The following RARB variants were observed in gnomAD, a reference collection of about 807,000 sequenced individuals.
The protein encoded by RARB is HBV-activated protein.
RARB carries 17 observed loss-of-function variants against 51.9 expected under a neutral mutation model. That is an observed-to-expected ratio of 0.33 (90% CI 0.22 to 0.49). The LOEUF (loss-of-function observed/expected upper bound fraction) is 0.49, where lower values mean the gene tolerates loss of function less well. Ranked by LOEUF, RARB falls within the 20% of genes least tolerant of loss-of-function variation. The pLI is 0.99. For missense variants in RARB, 369 were observed against 550.8 expected (o/e 0.67, Z 3.30); for synonymous variants, 215 against 195.4 (o/e 1.10, Z -0.84).
At chr3:25,540,639 A>G (rs186893791) in intron 3 of RARB, among the ~76,000 whole-genome samples, 55 of 152,322 alleles carry the variant, frequency 3.6e-4, no homozygotes, top group African/African-American at 9.9e-4. Flanking sequence ...ACAGCGTCCT[A>G]TAACCACTAA....
rs151102456 is a variant in RARB, at chr3:25,393,081, G to A, written c.179-68112G>A. 5.3e-5 allele frequency among the ~76,000 whole-genome samples: 8 copies of A among 152,128 alleles called. No homozygotes were observed. The East Asian group carries it at 1.5e-3, about 29-fold the overall frequency. On this transcript the variant is annotated intron_variant, in intron 5 of 11. Transcript: ENST00000383772. ...ATGTCCCTTCTATGCCGATTTTGCT[G>A]ATGTTTTCATCAAAAAACGATGCTG...
Position 25,596,724 on chromosome 3 carries a change from T to A in RARB, c.*108T>A. 9.7e-7 allele frequency: 1 copy of A among 1,026,816 alleles called. No homozygotes were observed. The highest frequency in any genetic ancestry group is 1.4e-6 in the Non-Finnish European group (1 of 720,660). 63.6% of individuals were successfully genotyped at this position (1,026,816 alleles called of 1,614,324 possible). A position where few individuals can be genotyped will look rare whatever the true frequency, so the allele number is the denominator to read the frequency against. ...CTTAGTTTTTGGACTGAAAAGATAT[T>A]AAAACTCAAGAAGGACCAAGAAGTT... On this transcript the variant is annotated 3_prime_UTR_variant, in exon 8 of 8. Transcript: ENST00000330688.
chr3:25,299,696 A>G (rs937180178), intron 5 of RARB, among the ~76,000 whole-genome samples: 10 of 152,176 alleles, frequency 6.6e-5, no homozygotes, highest in African/African-American at 1.9e-4. Context: ...TTATTTTAGG[A>G]ACATTATTCT....
chr3:25,180,259 A>G (rs551257213), intron 5 of RARB, among the ~76,000 whole-genome samples: 22 of 152,314 alleles, frequency 1.4e-4, no homozygotes, highest in African/African-American at 5.3e-4. Flanking sequence ...AAGATGGAGT[A>G]ATGGTTTAAG....
intron 5 of RARB, among the ~76,000 whole-genome samples, chr3:25,581,533 G>A (rs1317730510): frequency 6.6e-6 from 1 of 152,196 alleles, no homozygotes; most frequent in African/African-American, 2.4e-5. Flanking sequence ...GAGCAGGGCA[G>A]GGAGCGAAGG....
chr3:25,531,379 GATA>G, intron 3 of RARB, among the ~76,000 whole-genome samples: 1 of 111,768 alleles, frequency 8.9e-6, no homozygotes, highest in African/African-American at 4.4e-5. Flanking sequence ...TAGGTAGATA[GATA>G]GATAGGTAGA....
chr3:25,372,341 C>G (rs181468481), intron 5 of RARB, among the ~76,000 whole-genome samples: 4 of 152,256 alleles, frequency 2.6e-5, no homozygotes, highest in African/African-American at 9.6e-5. Context: ...AAAAATATTT[C>G]CAGATATTGC....
chr3:24,893,195 A>G (rs1293253692), intron 2 of RARB, among the ~76,000 whole-genome samples: 1 of 152,234 alleles, frequency 6.6e-6, no homozygotes, highest in Non-Finnish European at 1.5e-5. Context: ...CACCTAAACC[A>G]TGTTGGGAGA....
chr3:25,376,650 G>T (rs571704747), intron 5 of RARB, among the ~76,000 whole-genome samples: 1 of 152,144 alleles, frequency 6.6e-6, no homozygotes, highest in African/African-American at 2.4e-5. Flanking sequence ...AAACCACACT[G>T]TTTCTTTTCT....
intron 5 of RARB, among the ~76,000 whole-genome samples, chr3:25,327,298 G>C (rs541135231): frequency 2.0e-4 from 30 of 152,034 alleles, no homozygotes; most frequent in Non-Finnish European, 2.8e-4. Flanking sequence ...AAGATGTCTG[G>C]GTACAGTTAT....
intron 4 of RARB, among the ~76,000 whole-genome samples, chr3:25,153,535 T>A (rs1248620710): frequency 1.3e-5 from 2 of 152,218 alleles, no homozygotes; most frequent in African/African-American, 4.8e-5. Context: ...AAGTCTCGCC[T>A]AGAGTATCTG....
At chr3:25,002,762 A>G (rs5003864) in intron 2 of RARB, among the ~76,000 whole-genome samples, 43 of 127,260 alleles carry the variant, frequency 3.4e-4, no homozygotes, top group Admixed American at 6.7e-4. Flanking sequence ...GTGTGTGTGT[A>G]TATATATATA....
chr3:24,896,261 GTTTTGTT>G (rs1049555373), intron 2 of RARB, among the ~76,000 whole-genome samples: 15 of 151,792 alleles, frequency 9.9e-5, no homozygotes, highest in African/African-American at 3.4e-4. Context: ...TGGTGGTGGT[GTTTTGTT>G]TTTTGTTTTG....
intron 1 of RARB, 90 bp downstream of exon 1, chr3:25,428,978 T>A (rs1478416942): frequency 1.4e-6 from 2 of 1,398,212 alleles, no homozygotes; most frequent in Non-Finnish European, 1.9e-6. Flanking sequence ...ACTGCATTGG[T>A]AGCAAGACAA....
chr3:25,194,327 G>T (rs1239328530), intron 5 of RARB, among the ~76,000 whole-genome samples: 1 of 151,674 alleles, frequency 6.6e-6, no homozygotes, highest in East Asian at 1.9e-4. Context: ...CAGGAGTATA[G>T]TTAATAATAC....
chr3:25,577,142 G>A (rs1419663615), intron 4 of RARB, among the ~76,000 whole-genome samples: 1 of 152,170 alleles, frequency 6.6e-6, no homozygotes, highest in East Asian at 1.9e-4. Flanking sequence ...GTGACGTGGT[G>A]CACTGGTGGG....
intron 4 of RARB, among the ~76,000 whole-genome samples, chr3:25,140,217 A>G (rs1206111725): frequency 6.6e-6 from 1 of 152,230 alleles, no homozygotes; most frequent in African/African-American, 2.4e-5. Context: ...TGCCATAGAT[A>G]GTGATTTCTC....
At chr3:25,502,573 T>C (rs915291329) in intron 3 of RARB, among the ~76,000 whole-genome samples, 8 of 152,202 alleles carry the variant, frequency 5.3e-5, no homozygotes, top group Non-Finnish European at 1.2e-4. Flanking sequence ...GGTTTCAATG[T>C]TTCAGAGAAA....
chr3:24,864,722 AT>A (rs11321943), intron 2 of RARB, among the ~76,000 whole-genome samples: 110,238 of 151,986 alleles, frequency 0.73, 40,768 homozygotes, highest in East Asian at 0.97. Flanking sequence ...TTTTTTAAGT[AT>A]TTTTTTTATG....
Sources: gnomAD v4.1 joint callset for allele counts (sites outside exome capture counted in the v4.1 genomes callset) on GRCh38, gnomAD v4.1.1 for gene constraint, MANE v1.5 for transcripts, NCBI Gene and HGNC (gene_info 2026-07-23, HGNC 2026-07-21) for gene names.